Variants in SYT16 observed in about 807,000 individuals in gnomAD.
The protein encoded by SYT16 is synaptotagmin 16.
SYT16 carries 42 observed loss-of-function variants against 61.4 expected under a neutral mutation model. The ratio of observed to expected loss-of-function variants is 0.68; its 90% CI spans 0.53 to 0.89. SYT16 has a LOEUF of 0.89. Ranked by LOEUF, SYT16 falls within the 40% of genes least tolerant of loss-of-function variation. The pLI is 0.00. For missense variants in SYT16, 804 were observed against 807.3 expected (o/e 1.00, Z 0.05); for synonymous variants, 314 against 302.3 (o/e 1.04, Z -0.40).
Position 62,100,812 on chromosome 14 carries a change from T to C in SYT16, c.*105T>C. 8.7e-7 allele frequency: 1 copy of C among 1,155,606 alleles called. No homozygotes were observed. Among genetic ancestry groups the C allele is most frequent in the South Asian group, 1.6e-5 (1 of 62,788 alleles). 71.6% of individuals were successfully genotyped at this position (1,155,606 alleles called of 1,614,324 possible). ...GGGTTTCAGGGTTTCAAAAACAGAT[T>C]CCACTAACCCCTAGGACATTGTGAG... On this transcript the variant is annotated 3_prime_UTR_variant, in exon 8 of 8. Transcript: ENST00000683842.
At chr14:62,025,701 T>G (rs1481938447) in intron 3 of SYT16, among the ~76,000 whole-genome samples, 2 of 152,122 alleles carry the variant, frequency 1.3e-5, no homozygotes, top group Non-Finnish European at 2.9e-5. Flanking sequence ...AGCCCCAAAA[T>G]GTCAAAAATA....
At chr14:61,987,569 A>T (rs374447931) in intron 2 of SYT16, among the ~76,000 whole-genome samples, 1 of 152,144 alleles carries the variant, frequency 6.6e-6, no homozygotes. Context: ...ATTTAGATGA[A>T]AGAATGGGTA....
At chr14:62,037,359 GA>G (rs1329128382) in intron 3 of SYT16, among the ~76,000 whole-genome samples, 1 of 152,088 alleles carries the variant, frequency 6.6e-6, no homozygotes, top group African/African-American at 2.4e-5. Context: ...ATCTCTTAGG[GA>G]AAAAGTTTAC....
chr14:61,862,679 C>G (rs985540146), intron 1 of SYT16, among the ~76,000 whole-genome samples: 2 of 152,314 alleles, frequency 1.3e-5, no homozygotes, highest in East Asian at 1.9e-4. Flanking sequence ...TGTACATTCT[C>G]TGAGTTTGGA....
At chr14:62,018,927 G>T (rs975897535) in intron 3 of SYT16, among the ~76,000 whole-genome samples, 2 of 152,178 alleles carry the variant, frequency 1.3e-5, no homozygotes, top group Admixed American at 6.5e-5. Context: ...TGTTGCCCCT[G>T]CATCTGCGCT....
chr14:62,008,004 A>C (rs1252467867), intron 3 of SYT16, among the ~76,000 whole-genome samples: 1 of 152,082 alleles, frequency 6.6e-6, no homozygotes, highest in African/African-American at 2.4e-5. Context: ...AAGGGGAAGA[A>C]GCCAGAGCTA....
chr14:62,038,819 AT>A (rs2054607223), intron 3 of SYT16, among the ~76,000 whole-genome samples: 3 of 152,202 alleles, frequency 2.0e-5, no homozygotes, highest in Non-Finnish European at 4.4e-5. Flanking sequence ...TTGAATAATG[AT>A]TTAATAGCTT....
At position 61,892,902 on chromosome 14, in the gene SYT16, C is replaced by T. The variant is rs1019832552; in HGVS notation, c.-324-77230C>T. ...ACATCTCAGTAAAATACAGAATAAA[C>T]GGTTTTTTTTTTTCCTTCCCTTTGC... On this transcript the variant is annotated intron_variant, in intron 1 of 7. Transcript: ENST00000683842. Among the ~76,000 whole-genome samples, 14 of 152,058 alleles carry T rather than the reference C, an allele frequency of 9.2e-5. No individual in the cohort carries two copies. The South Asian group carries it at 1.0e-3, about 11-fold the overall frequency.
intron 3 of SYT16, among the ~76,000 whole-genome samples, chr14:61,996,861 C>A (rs993943517): frequency 6.6e-6 from 1 of 151,944 alleles, no homozygotes; most frequent in South Asian, 2.1e-4. Flanking sequence ...GCAAAATGTT[C>A]TTTTTTTCTT....
intron 3 of SYT16, among the ~76,000 whole-genome samples, chr14:62,052,714 G>A (rs548778127): frequency 1.3e-5 from 2 of 152,316 alleles, no homozygotes; most frequent in Admixed American, 1.3e-4. Flanking sequence ...GAGCCCTCAT[G>A]AGTGGGATTA....
chr14:61,984,026 T>C (rs1283338911), intron 2 of SYT16, among the ~76,000 whole-genome samples: 1 of 152,186 alleles, frequency 6.6e-6, no homozygotes, highest in African/African-American at 2.4e-5. Flanking sequence ...TTTTCAAAAT[T>C]ATCTTGAAGC....
At chr14:61,840,449 G>C (rs73332882) in intron 1 of SYT16, among the ~76,000 whole-genome samples, 11,441 of 152,148 alleles carry the variant, frequency 0.075, 818 homozygotes, top group African/African-American at 0.19. Context: ...ATGTTGATGA[G>C]TAGGAGGTTA....
At chr14:61,939,198 C>T (rs933696001) in intron 1 of SYT16, among the ~76,000 whole-genome samples, 1 of 152,150 alleles carries the variant, frequency 6.6e-6, no homozygotes, top group African/African-American at 2.4e-5. Context: ...TGTCTGGGAA[C>T]TTTGCTATAG....
At chr14:61,972,122 A>G (rs1260518048) in intron 2 of SYT16, among the ~76,000 whole-genome samples, 1 of 152,230 alleles carries the variant, frequency 6.6e-6, no homozygotes, top group Non-Finnish European at 1.5e-5. Context: ...TAAATTAATT[A>G]ATTCTGTAGA....
At chr14:61,980,698 T>C (rs2052031119) in intron 2 of SYT16, among the ~76,000 whole-genome samples, 1 of 152,166 alleles carries the variant, frequency 6.6e-6, no homozygotes, top group Non-Finnish European at 1.5e-5. Context: ...TCTTAGAAAT[T>C]ACATGCTTTT....
intron 1 of SYT16, among the ~76,000 whole-genome samples, chr14:61,933,129 C>A (rs1049523354): frequency 6.6e-6 from 1 of 152,120 alleles, no homozygotes; most frequent in Admixed American, 6.6e-5. Context: ...TTGTTATATT[C>A]TTTTGTCGGT....
At chr14:62,035,165 A>G (rs760020987) in intron 3 of SYT16, among the ~76,000 whole-genome samples, 1 of 152,178 alleles carries the variant, frequency 6.6e-6, no homozygotes, top group East Asian at 1.9e-4. Flanking sequence ...AGGTTCTTGT[A>G]TGAAGGTTCT....
In SYT16 at chr14:62,099,897, G is replaced by GTCTC. The variant is rs768870049; in HGVS notation, c.1625-490_1625-487dup. On this transcript the variant is annotated intron_variant, in intron 7 of 7. Coordinates refer to ENST00000683842, the MANE Select transcript of SYT16 (RefSeq NM_001367656.1). ...TGTGTGTCTGTCTGTCTGTCTGTCT[G>GTCTC]TCTCTCTCTCACTCACACACACATG... 9.2e-5 allele frequency among the ~76,000 whole-genome samples: 14 copies of GTCTC among 151,538 alleles called. No individual in the cohort carries two copies. In the East Asian group the frequency reaches 2.7e-3, roughly 29 times the overall value.
intron 1 of SYT16, among the ~76,000 whole-genome samples, chr14:61,940,760 C>A (rs2050175839): frequency 6.6e-6 from 1 of 152,164 alleles, no homozygotes; most frequent in Non-Finnish European, 1.5e-5. Context: ...CCCTCCCTCT[C>A]AGGTTTTCCT....
Sources: allele counts gnomAD v4.1 joint callset (sites outside exome capture counted in the v4.1 genomes callset), GRCh38; gene constraint gnomAD v4.1.1; transcripts MANE v1.5; gene names NCBI Gene and HGNC (gene_info 2026-07-23, HGNC 2026-07-21).